Variants in ZHX2 observed in about 807,000 individuals in gnomAD.
ZHX2 encodes zinc fingers and homeoboxes protein 2.
ZHX2 carries 6 observed loss-of-function variants against 21.9 expected under a neutral mutation model. The ratio of observed to expected loss-of-function variants is 0.27; its 90% confidence interval spans 0.15 to 0.54. The LOEUF (loss-of-function observed/expected upper bound fraction) is 0.54, where lower values mean the gene tolerates loss of function less well. Ranked by LOEUF, ZHX2 falls within the 20% of genes least tolerant of loss-of-function variation. The pLI, the probability that ZHX2 is intolerant of heterozygous loss-of-function variation, is 0.95. For synonymous variants in ZHX2, 434 were observed against 437.1 expected (o/e 0.99, Z 0.09); for missense variants, 908 against 1,090.7 (o/e 0.83, Z 2.36).
chr8:122,912,449 T>C (rs1820505460), intron 2 of ZHX2, among the ~76,000 whole-genome samples: 1 of 152,192 alleles, frequency 6.6e-6, no homozygotes, highest in East Asian at 1.9e-4. Context: ...CCCTCCAAGA[T>C]GGACATGTAA....
At chr8:122,921,632 G>A (rs1820742259) in intron 2 of ZHX2, among the ~76,000 whole-genome samples, 1 of 151,544 alleles carries the variant, frequency 6.6e-6, no homozygotes, top group Non-Finnish European at 1.5e-5. Flanking sequence ...AGCAACACAG[G>A]GAGACCCCAT....
intron 2 of ZHX2, among the ~76,000 whole-genome samples, chr8:122,937,687 C>A (rs1433701735): frequency 6.6e-6 from 1 of 151,370 alleles, no homozygotes; most frequent in African/African-American, 2.4e-5. Context: ...TCAAGCAATT[C>A]TCCCGCCTCA....
At chr8:122,956,795 G>C (rs1686098401) in intron 3 of ZHX2, among the ~76,000 whole-genome samples, 1 of 152,170 alleles carries the variant, frequency 6.6e-6, no homozygotes, top group African/African-American at 2.4e-5. Context: ...GGTAAGCTCA[G>C]ATGGCACTTC....
chr8:122,943,920 G>T (rs979802711), intron 2 of ZHX2, among the ~76,000 whole-genome samples: 2 of 152,040 alleles, frequency 1.3e-5, no homozygotes, highest in Non-Finnish European at 2.9e-5. Context: ...CAGGCTCTTC[G>T]CCATCTAGCC....
intron 2 of ZHX2, among the ~76,000 whole-genome samples, chr8:122,944,398 C>A (rs1215815351): frequency 6.6e-6 from 1 of 152,138 alleles, no homozygotes; most frequent in Non-Finnish European, 1.5e-5. Context: ...GTTGCCTCCC[C>A]TGGAAAGCCT....
At chr8:122,845,710 T>C (rs1210125994) in intron 1 of ZHX2, among the ~76,000 whole-genome samples, 1 of 152,228 alleles carries the variant, frequency 6.6e-6, no homozygotes, top group Non-Finnish European at 1.5e-5. Context: ...ATGTCCCCAC[T>C]CCTGGTGGCC....
At chr8:122,886,323 G>A (rs2129825146) in intron 2 of ZHX2, among the ~76,000 whole-genome samples, 1 of 152,322 alleles carries the variant, frequency 6.6e-6, no homozygotes, top group South Asian at 2.1e-4. Context: ...CAGGAGTTCA[G>A]GGGGAGGTAT....
chr8:122,950,891 C>G (rs1041988919), intron 2 of ZHX2, among the ~76,000 whole-genome samples: 1 of 151,764 alleles, frequency 6.6e-6, no homozygotes, highest in Non-Finnish European at 1.5e-5. Flanking sequence ...TGTTTTCTAG[C>G]GCCTGAGTAA....
At chr8:122,886,868 T>G (rs943913973) in intron 2 of ZHX2, among the ~76,000 whole-genome samples, 2 of 152,140 alleles carry the variant, frequency 1.3e-5, no homozygotes, top group African/African-American at 2.4e-5. Flanking sequence ...GAGCCTTTTG[T>G]ATTTGGTCCA....
chr8:122,802,612 C>G (rs1204191691), intron 1 of ZHX2, among the ~76,000 whole-genome samples: 1 of 152,228 alleles, frequency 6.6e-6, no homozygotes, highest in Non-Finnish European at 1.5e-5. Context: ...AGCAGGCTGC[C>G]TGCATGGCCC....
At chr8:122,971,520 A>T (rs903356890) in intron 3 of ZHX2, among the ~76,000 whole-genome samples, 1 of 149,104 alleles carries the variant, frequency 6.7e-6, no homozygotes, top group Non-Finnish European at 1.5e-5. Context: ...GGGTGCGTTT[A>T]ACATCCAGAT....
rs973349233 is a variant in ZHX2 at position 122,951,426 on chromosome 8, G to A, written c.-85G>A. ...CATTTGAGGGGGAATAAAGCCAAAA[G>A]CCTTTCACCTTATTCGTTCCAAGAA... On this transcript the variant is annotated 5_prime_UTR_variant, in exon 3 of 4. Transcript: ENST00000314393. 3.9e-5 allele frequency: 49 copies of A among 1,249,724 alleles called. No individual in the cohort carries two copies. The Admixed American group carries it at 1.2e-3, about 31-fold the overall frequency. 77.4% of individuals were successfully genotyped at this position (1,249,724 alleles called of 1,614,324 possible).
intron 1 of ZHX2, among the ~76,000 whole-genome samples, chr8:122,792,906 G>A (rs903524334): frequency 2.6e-5 from 4 of 152,146 alleles, no homozygotes; most frequent in East Asian, 3.9e-4. Flanking sequence ...ACCTCACCCC[G>A]GTCCAGGCCC....
At chr8:122,941,512 T>G (rs1022989985) in intron 2 of ZHX2, among the ~76,000 whole-genome samples, 8 of 152,344 alleles carry the variant, frequency 5.3e-5, no homozygotes, top group African/African-American at 1.9e-4. Flanking sequence ...TCTGTTTTCC[T>G]TTCTTTTCCA....
In ZHX2 at chr8:122,843,959, T is replaced by TCACACA. The variant is rs3221811; in HGVS notation, c.-282-19491_-282-19486dup. On this transcript the variant is annotated intron_variant, in intron 1 of 3. Coordinates refer to ENST00000314393, the MANE Select transcript of ZHX2 (RefSeq NM_014943.5). ...ACACTTCGCTTTTTGTTCTCACCCT[T>TCACACA]CACACACACACACACACACACACAC... 1.7e-3 allele frequency among the ~76,000 whole-genome samples: 256 copies of TCACACA among 148,934 alleles called. 2 individuals are homozygous for TCACACA. Among genetic ancestry groups the TCACACA allele is most frequent in the African/African-American group, 5.8e-3 (233 of 40,486 alleles).
chr8:122,820,423 T>C (rs1818120250), intron 1 of ZHX2, among the ~76,000 whole-genome samples: 1 of 152,194 alleles, frequency 6.6e-6, no homozygotes, highest in Non-Finnish European at 1.5e-5. Flanking sequence ...AAAATGGCCG[T>C]GTTCTGAGGG....
intron 2 of ZHX2, among the ~76,000 whole-genome samples, chr8:122,884,925 G>A (rs570369862): frequency 2.6e-5 from 4 of 152,212 alleles, no homozygotes; most frequent in Non-Finnish European, 5.9e-5. Context: ...TCAAAAAAAT[G>A]GGAAGCCATT....
chr8:122,961,423 G>A (rs17370473), intron 3 of ZHX2, among the ~76,000 whole-genome samples: 2,818 of 152,280 alleles, frequency 0.019, 38 homozygotes, highest in South Asian at 0.047. Flanking sequence ...ACAGTTGTCT[G>A]TATTTGTCAG....
At chr8:122,820,548 G>C (rs947463600) in intron 1 of ZHX2, among the ~76,000 whole-genome samples, 8 of 152,206 alleles carry the variant, frequency 5.3e-5, no homozygotes, top group Admixed American at 6.5e-5. Flanking sequence ...CAAGGGAGCG[G>C]GAGCGGGGGA....
Sources: allele counts gnomAD v4.1 joint callset (sites outside exome capture counted in the v4.1 genomes callset), GRCh38; gene constraint gnomAD v4.1.1; transcripts MANE v1.5; gene names NCBI Gene and HGNC (gene_info 2026-07-23, HGNC 2026-07-21).